The following TBPL2 variants were observed in gnomAD, a reference collection of about 807,000 sequenced individuals.
TBPL2 encodes the protein TATA-box binding protein like 2.
In TBPL2, 40 loss-of-function variants were observed where a neutral mutation model predicts 38.2. That is an observed-to-expected ratio of 1.05 (90% confidence interval 0.81 to 1.36). TBPL2 has a LOEUF of 1.36. Among genes scored for constraint, TBPL2 ranks in the 40% most tolerant of loss-of-function variants. The pLI is 0.00. For missense variants in TBPL2, 461 were observed against 456.7 expected (o/e 1.01, Z -0.09); for synonymous variants, 169 against 171.7 (o/e 0.98, Z 0.12).
At chr14:55,436,872 A>G (rs1886022839) in exon 2 of TBPL2, 1 of 1,614,096 alleles carries the variant, frequency 6.2e-7, no homozygotes, top group South Asian at 1.1e-5. Flanking sequence ...GTAGGAAGCT[A>G]AGATCCACAG....
At chr14:55,421,060 CAAAA>C (rs71131263) in intron 6 of TBPL2, among the ~76,000 whole-genome samples, 1 of 107,588 alleles carries the variant, frequency 9.3e-6, no homozygotes. Context: ...GAATCTGTCT[CAAAA>C]AAAAAAAAAA....
intron 3 of TBPL2, 150 bp from the exon 4 acceptor site, chr14:55,433,871 A>G (rs896704492): frequency 1.7e-6 from 1 of 588,656 alleles, no homozygotes; most frequent in African/African-American, 1.8e-5. Context: ...GGTTAACAAA[A>G]ATAATGATGA....
At chr14:55,433,307 CTCTT>C (rs1255532746) in intron 4 of TBPL2, among the ~76,000 whole-genome samples, 7 of 103,872 alleles carry the variant, frequency 6.7e-5, no homozygotes, top group African/African-American at 2.9e-4. Context: ...TTTTAGATTT[CTCTT>C]TTTTTTTTTT....
intron 4 of TBPL2, among the ~76,000 whole-genome samples, chr14:55,430,310 A>G (rs1885904897): frequency 6.6e-6 from 1 of 151,012 alleles, no homozygotes; most frequent in African/African-American, 2.4e-5. Context: ...TCTCTTATCC[A>G]GATCCTTCAC....
intron 6 of TBPL2, among the ~76,000 whole-genome samples, chr14:55,420,408 A>C (rs1239882539): frequency 2.6e-5 from 4 of 152,232 alleles, no homozygotes; most frequent in African/African-American, 9.6e-5. Flanking sequence ...TTAAGTAATA[A>C]GGAACATTTG....
In TBPL2 at chr14:55,421,060, CAAAAAAA is replaced by C. The variant is rs71131263; in HGVS notation, c.1051+3092_1051+3098del. Among the ~76,000 whole-genome samples the C allele has an allele frequency of 1.0e-3, 108 of 107,566 alleles. 1 individual carries two copies. The highest frequency in any genetic ancestry group is 3.7e-3 in the African/African-American group (106 of 28,782). 70.6% of individuals were successfully genotyped at this position (107,566 alleles called of 152,430 possible). On this transcript the variant is annotated intron_variant, in intron 6 of 6. Coordinates refer to ENST00000247219, the Ensembl canonical transcript of TBPL2. The stretch of plus-strand genomic sequence containing the variant: ...TGGGCAAAAGAGTGAGAATCTGTCT[CAAAAAAA>C]AAAAAAAAAAAGAAAAAAGAAATTT...
chr14:55,426,738 A>C (rs1885831082), intron 5 of TBPL2, among the ~76,000 whole-genome samples: 1 of 152,130 alleles, frequency 6.6e-6, no homozygotes, highest in Non-Finnish European at 1.5e-5. Flanking sequence ...AAAAGAAAAG[A>C]AAAGATGACT....
At chr14:55,420,384 C>G (rs975549960) in intron 6 of TBPL2, among the ~76,000 whole-genome samples, 2 of 152,164 alleles carry the variant, frequency 1.3e-5, no homozygotes, top group Non-Finnish European at 2.9e-5. Flanking sequence ...TGAAAAGAGT[C>G]TAGAGACACA....
rs1237099750 is a variant in TBPL2 at position 55,436,491 on chromosome 14, G to C, written c.608+70C>G. On this transcript the variant is annotated intron_variant, in intron 2 of 6. Coordinates refer to ENST00000247219, the Ensembl canonical transcript of TBPL2. ...CTTCCCTACTATTATCCTGAAATTA[G>C]TTGTCATCGCATTCAGGAATATAAA... 3 of 1,302,166 alleles carry C rather than the reference G, an allele frequency of 2.3e-6. No individual in the cohort carries two copies. In the African/African-American group the frequency reaches 4.4e-5, roughly 19 times the overall value. The allele number at this position is 1,302,166 out of a possible 1,614,324, so 80.7% of individuals were successfully genotyped here.
At chr14:55,429,002 T>C in intron 4 of TBPL2, 28 bp from the exon 5 acceptor site, 1 of 1,612,116 alleles carries the variant, frequency 6.2e-7, no homozygotes, top group Non-Finnish European at 8.5e-7. Context: ...TGTTTAAAGA[T>C]GTCTTAATCG....
At chr14:55,426,731 AG>A (rs1885830990) in intron 5 of TBPL2, among the ~76,000 whole-genome samples, 1 of 152,092 alleles carries the variant, frequency 6.6e-6, no homozygotes, top group Non-Finnish European at 1.5e-5. Flanking sequence ...AAAAAAGAAA[AG>A]AAAAGAAAAG....
chr14:55,421,058 C>T (rs1313972076), intron 6 of TBPL2, among the ~76,000 whole-genome samples: 1 of 59,120 alleles, frequency 1.7e-5, no homozygotes, highest in Non-Finnish European at 3.4e-5. Context: ...GAGAATCTGT[C>T]TCAAAAAAAA....
In TBPL2 at chr14:55,435,923, GA is replaced by G. The variant is rs1172543936; in HGVS notation, c.619del (p.Ser207ProfsTer3). On this transcript the variant is annotated frameshift_variant, in exon 3 of 7. Transcript: ENST00000247219. LOFTEE classifies it high-confidence loss of function. Reference sequence around the variant, plus strand: ...CAACTTACAGGCCAGGTTTACAGTGGAAACTATATTCCTGAAGAAATAAGTC... The same window carrying G: ...CAACTTACAGGCCAGGTTTACAGTGGAACTATATTCCTGAAGAAATAAGTC... 1 of 1,571,916 alleles carries G rather than the reference GA, an allele frequency of 6.4e-7. No homozygotes were observed. Among genetic ancestry groups the G allele is most frequent in the Non-Finnish European group, 8.6e-7 (1 of 1,165,796 alleles).
Sources: allele counts gnomAD v4.1 joint callset (sites outside exome capture counted in the v4.1 genomes callset), GRCh38; gene constraint gnomAD v4.1.1; transcripts MANE v1.5; gene names NCBI Gene and HGNC (gene_info 2026-07-23, HGNC 2026-07-21).